The following PALLD variants were observed in gnomAD, a reference collection of about 807,000 sequenced individuals.
PALLD encodes palladin, cytoskeletal associated protein, also known as palladin.
PALLD carries 61 observed loss-of-function variants against 123.5 expected under a neutral mutation model. The ratio of observed to expected loss-of-function variants is 0.49; its 90% CI spans 0.40 to 0.61. The LOEUF is 0.61. PALLD is among the 20% of genes least tolerant of loss of function. PALLD has a pLI of 0.00. For missense variants in PALLD, 1,273 were observed against 1,377.0 expected (o/e 0.92, Z 1.20); for synonymous variants, 465 against 496.4 (o/e 0.94, Z 0.84).
chr4:168,555,283 A>G (rs551002518), intron 2 of PALLD, among the ~76,000 whole-genome samples: 1 of 152,356 alleles, frequency 6.6e-6, no homozygotes, highest in East Asian at 1.9e-4. Flanking sequence ...AGCATAGAGA[A>G]TAGAACCACA....
intron 1 of PALLD, among the ~76,000 whole-genome samples, chr4:168,497,960 G>A (rs1024583001): frequency 2.0e-5 from 3 of 152,122 alleles, no homozygotes; most frequent in African/African-American, 7.2e-5. Context: ...TTGCCTTCTA[G>A]TATGAATAAT....
intron 10 of PALLD, among the ~76,000 whole-genome samples, chr4:168,769,065 C>T (rs1046756706): frequency 8.5e-5 from 13 of 152,166 alleles, no homozygotes; most frequent in African/African-American, 2.2e-4. Context: ...CCTCGTGATC[C>T]GCCCCCGTCG....
intron 2 of PALLD, among the ~76,000 whole-genome samples, chr4:168,541,999 T>C (rs1288650760): frequency 6.6e-6 from 1 of 152,124 alleles, no homozygotes; most frequent in African/African-American, 2.4e-5. Flanking sequence ...AAAGTGGTGG[T>C]GGATCTACCC....
In PALLD at chr4:168,787,091, G is replaced by A. The variant is rs115967274; in HGVS notation, c.1964+75168G>A. Among the ~76,000 whole-genome samples, 295 of 152,202 alleles carry A rather than the reference G, an allele frequency of 1.9e-3. 1 individual carries two copies. The highest frequency in any genetic ancestry group is 6.8e-3 in the Middle Eastern group (2 of 294). Reference sequence around the variant, plus strand: ...CATTTTTAAAACATGGGAGATAATGGCTCTAAATTTCAAAGAAATGTTTAC... The same window carrying A: ...CATTTTTAAAACATGGGAGATAATGACTCTAAATTTCAAAGAAATGTTTAC... On this transcript the variant is annotated intron_variant, in intron 10 of 21. Transcript: ENST00000505667.
intron 9 of PALLD, among the ~76,000 whole-genome samples, chr4:168,709,404 G>A (rs893073466): frequency 6.6e-6 from 1 of 151,084 alleles, no homozygotes; most frequent in African/African-American, 2.4e-5. Context: ...CAGCTACTCT[G>A]GAGGCTGAGG....
intron 2 of PALLD, among the ~76,000 whole-genome samples, chr4:168,531,873 G>T (rs1764638470): frequency 1.3e-5 from 2 of 152,088 alleles, no homozygotes; most frequent in Non-Finnish European, 2.9e-5. Context: ...CAGGGGAAGG[G>T]GAATCTTCCA....
At chr4:168,836,602 G>A (rs182801759) in intron 10 of PALLD, among the ~76,000 whole-genome samples, 5 of 152,286 alleles carry the variant, frequency 3.3e-5, no homozygotes, top group East Asian at 1.9e-4. Context: ...AGGTAGGCCC[G>A]CCACATTAGA....
intron 10 of PALLD, among the ~76,000 whole-genome samples, chr4:168,795,552 G>T (rs1297317393): frequency 6.6e-6 from 1 of 152,142 alleles, no homozygotes; most frequent in Non-Finnish European, 1.5e-5. Context: ...TCCTGAAAAA[G>T]TTCAATGATT....
chr4:168,890,643 G>A (rs576644851), intron 10 of PALLD, among the ~76,000 whole-genome samples: 3 of 151,370 alleles, frequency 2.0e-5, no homozygotes, highest in South Asian at 2.1e-4. Context: ...CTGCCGCCTC[G>A]CTAAGACTTA....
intron 10 of PALLD, among the ~76,000 whole-genome samples, chr4:168,865,958 TA>T (rs1205460887): frequency 2.6e-5 from 4 of 152,106 alleles, no homozygotes; most frequent in Non-Finnish European, 5.9e-5. Flanking sequence ...CAGCAGATGC[TA>T]AAAAAGGGCT....
intron 10 of PALLD, among the ~76,000 whole-genome samples, chr4:168,781,191 C>T (rs1460258070): frequency 6.6e-6 from 1 of 152,172 alleles, no homozygotes; most frequent in African/African-American, 2.4e-5. Context: ...CCTTTAATAA[C>T]ACCAGCATGG....
intron 10 of PALLD, among the ~76,000 whole-genome samples, chr4:168,715,151 T>C (rs755165309): frequency 5.3e-5 from 8 of 152,108 alleles, no homozygotes; most frequent in Non-Finnish European, 7.4e-5. Flanking sequence ...GTGGTACCTC[T>C]CATAAAGTGA....
Position 168,640,234 on chromosome 4 carries a change from C to G in PALLD, c.909-27956C>G, listed in dbSNP as rs1056458764. On this transcript the variant is annotated intron_variant, in intron 2 of 21. Transcript: ENST00000505667. The stretch of plus-strand genomic sequence containing the variant: ...GTGTTTGTGATAATGATTGTTTCCT[C>G]CATGTAGCATCCAGAACTTTTCCGA... Among the ~76,000 whole-genome samples, 9 of 152,196 alleles carry G rather than the reference C, an allele frequency of 5.9e-5. No homozygotes were observed. The East Asian group carries it at 7.7e-4, about 13-fold the overall frequency.
chr4:168,606,339 G>GC (rs973990413), intron 2 of PALLD, among the ~76,000 whole-genome samples: 1 of 152,076 alleles, frequency 6.6e-6, no homozygotes, highest in African/African-American at 2.4e-5. Flanking sequence ...TGCCCTACTT[G>GC]CCCCGCGTCA....
chr4:168,658,990 C>T (rs932291307), intron 2 of PALLD, among the ~76,000 whole-genome samples: 3 of 152,186 alleles, frequency 2.0e-5, no homozygotes, highest in Non-Finnish European at 2.9e-5. Flanking sequence ...AATTTCACTT[C>T]GGTCTGCCTA....
chr4:168,685,465 A>G lies in PALLD; in HGVS notation c.1261-20A>G. 1.9e-6 allele frequency: 3 copies of G among 1,539,184 alleles called. No individual in the cohort carries two copies. Among genetic ancestry groups the G allele is most frequent in the Non-Finnish European group, 2.7e-6 (3 of 1,112,028 alleles). On this transcript the variant is annotated intron_variant, in intron 5 of 21. Coordinates refer to ENST00000505667, the MANE Select transcript of PALLD (RefSeq NM_001166108.2). ...AATTTATATATTTAGAATTTGATCC[A>G]TATGTCTCTGCTTTTGCAGGTTCAC...
chr4:168,872,233 A>G (rs1751183184), intron 10 of PALLD, among the ~76,000 whole-genome samples: 2 of 152,188 alleles, frequency 1.3e-5, no homozygotes, highest in African/African-American at 4.8e-5. Context: ...AAGACATACA[A>G]AGCTACTGTT....
intron 10 of PALLD, among the ~76,000 whole-genome samples, chr4:168,853,488 A>T (rs1220672185): frequency 6.6e-6 from 1 of 152,150 alleles, no homozygotes. Flanking sequence ...GCTGCGAAAA[A>T]AATGTGCCAC....
At chr4:168,593,217 C>T (rs1771616854) in intron 2 of PALLD, among the ~76,000 whole-genome samples, 1 of 151,844 alleles carries the variant, frequency 6.6e-6, no homozygotes, top group African/African-American at 2.4e-5. Context: ...TTTCCCTCTC[C>T]ATTCTTCTAA....
Sources: allele counts gnomAD v4.1 joint callset (sites outside exome capture counted in the v4.1 genomes callset), GRCh38; gene constraint gnomAD v4.1.1; transcripts MANE v1.5; gene names NCBI Gene and HGNC (gene_info 2026-07-23, HGNC 2026-07-21).